The following MGAT5B variants were observed in gnomAD, a reference collection of about 807,000 sequenced individuals.
The protein encoded by MGAT5B is alpha-1,6-mannosylglycoprotein 6-beta-N-acetylglucosaminyltransferase B.
In MGAT5B, 54 loss-of-function variants were observed where a neutral mutation model predicts 95.1. The observed-to-expected ratio is 0.57, with a 90% confidence interval of 0.46 to 0.71. The LOEUF (loss-of-function observed/expected upper bound fraction) is 0.71. MGAT5B is among the 30% of genes least tolerant of loss of function. The pLI is 0.00. For missense variants in MGAT5B, 935 were observed against 1,088.6 expected, an observed-to-expected ratio of 0.86 and a Z score of 1.99; for synonymous variants, 464 against 451.0, an observed-to-expected ratio of 1.03 and a Z score of -0.36.
rs1322443859 is a variant in MGAT5B, at chr17:76,905,898, G to T, written c.856-120G>T. ...GTCACTCTGGTGCCGGAAAGCACCTGCTGGGGCCCAGCCTGGAGACAGGGT... is the reference window on the plus strand; with the variant it reads ...GTCACTCTGGTGCCGGAAAGCACCTTCTGGGGCCCAGCCTGGAGACAGGGT... On this transcript the variant is annotated intron_variant, in intron 7 of 17. Coordinates refer to ENST00000569840, the MANE Select transcript of MGAT5B (RefSeq NM_001199172.2). The surrounding 1 kb of genome is among the most constrained non-coding windows in gnomAD (Gnocchi z 4.2). 7.8e-6 allele frequency: 9 copies of T among 1,151,198 alleles called. No homozygotes were observed. Among genetic ancestry groups the T allele is most frequent in the Non-Finnish European group, 1.1e-5 (9 of 831,246 alleles). 71.3% of individuals were successfully genotyped at this position (1,151,198 alleles called of 1,614,324 possible).
At chr17:76,919,131 C>T (rs1247999794) in intron 8 of MGAT5B, among the ~76,000 whole-genome samples, 3 of 152,228 alleles carry the variant, frequency 2.0e-5, no homozygotes, top group Admixed American at 6.5e-5. Flanking sequence ...GGATATTTTT[C>T]ATTGCCAGAA....
At chr17:76,874,632 G>A (rs1967121186) in intron 2 of MGAT5B, among the ~76,000 whole-genome samples, 1 of 152,134 alleles carries the variant, frequency 6.6e-6, no homozygotes, top group Non-Finnish European at 1.5e-5. Flanking sequence ...AATTAGGGAT[G>A]GGGGAGAGGA....
At position 76,889,501 on chromosome 17, in the gene MGAT5B, C is replaced by G. The variant is rs976124081; in HGVS notation, c.329+7203C>G. Among the ~76,000 whole-genome samples the G allele has an allele frequency of 2.0e-5, 3 of 152,142 alleles. No homozygotes were observed. The highest frequency in any genetic ancestry group is 6.5e-5 in the Admixed American group (1 of 15,280). On this transcript the variant is annotated intron_variant, in intron 3 of 17. Coordinates refer to ENST00000569840, the MANE Select transcript of MGAT5B (RefSeq NM_001199172.2). This position sits in a 1 kb window ranked among gnomAD's most constrained non-coding sequence, Gnocchi z 4.4. ...TCTCGGGCCACCGTGGGTACCTTCA[C>G]TGGGAGAGAGGCGTGTGGTTGGCAG...
At chr17:76,897,182 A>G (rs1185941907) in intron 3 of MGAT5B, among the ~76,000 whole-genome samples, 1 of 152,102 alleles carries the variant, frequency 6.6e-6, no homozygotes, top group Non-Finnish European at 1.5e-5. Flanking sequence ...CTCCCGAAGT[A>G]CTGGGACTAC....
intron 11 of MGAT5B, 101 bp downstream of exon 11, chr17:76,932,876 G>T: frequency 4.0e-6 from 6 of 1,485,314 alleles, no homozygotes; most frequent in Non-Finnish European, 5.4e-6. Flanking sequence ...CCCTCCTCCC[G>T]CCCCAGCCCT....
At chr17:76,872,336 G>A (rs1384014972) in intron 1 of MGAT5B, among the ~76,000 whole-genome samples, 1 of 152,238 alleles carries the variant, frequency 6.6e-6, no homozygotes, top group Non-Finnish European at 1.5e-5. Flanking sequence ...AGTGATTGAT[G>A]GGGTCTGGCT....
chr17:76,887,226 C>T (rs1056038212), intron 3 of MGAT5B, among the ~76,000 whole-genome samples: 1 of 152,094 alleles, frequency 6.6e-6, no homozygotes, highest in African/African-American at 2.4e-5. Flanking sequence ...TCTCCCAGCC[C>T]CCATCTCAGG....
At chr17:76,946,308 C>A (rs576294163) in intron 15 of MGAT5B, 68 bp from the exon 16 acceptor site, 1 of 1,396,326 alleles carries the variant, frequency 7.2e-7, no homozygotes, top group Non-Finnish European at 9.9e-7. Flanking sequence ...CCCCCAATGC[C>A]GAGCATGGCA....
At chr17:76,874,682 C>T (rs1967123100) in intron 2 of MGAT5B, among the ~76,000 whole-genome samples, 1 of 152,048 alleles carries the variant, frequency 6.6e-6, no homozygotes, top group Non-Finnish European at 1.5e-5. Context: ...GCCTATCTCC[C>T]TAAGGGGGTT....
In MGAT5B at chr17:76,940,779, C is replaced by T. The variant is rs746422600; in HGVS notation, c.1779C>T (p.His593=). The part of the protein sequence containing the change: ...PYAENFIGKP[H]VWTVDYNNSE... ...CGGAGAACTTCATCGGCAAGCCCCA[C>T]GTGTGGACAGTCGACTACAACAACT... The change falls in exon 15 of 18, where the codon CAC becomes CAT. Residue 593 remains histidine (H), a synonymous_variant. Transcript: ENST00000569840. The surrounding 1 kb of genome is among the most constrained non-coding windows in gnomAD (Gnocchi z 4.3). The T allele has an allele frequency of 3.3e-5, 54 of 1,614,054 alleles. No homozygotes were observed. Among genetic ancestry groups the T allele is most frequent in the East Asian group, 4.5e-5 (2 of 44,906 alleles).
intron 15 of MGAT5B, among the ~76,000 whole-genome samples, chr17:76,942,966 GT>G (rs1969908265): frequency 6.6e-6 from 1 of 152,124 alleles, no homozygotes; most frequent in African/African-American, 2.4e-5. Flanking sequence ...GGGGAGCAGC[GT>G]TTGGCCCAAC....
intron 3 of MGAT5B, among the ~76,000 whole-genome samples, chr17:76,888,997 G>A (rs75510175): frequency 0.016 from 2,381 of 152,324 alleles, 28 homozygotes; most frequent in Non-Finnish European, 0.024. Context: ...GTCGGCCTTG[G>A]GAAGAGGGGT....
In MGAT5B at chr17:76,917,271, C is replaced by T. The variant is rs538762609; in HGVS notation, c.1026-7695C>T. Reference sequence around the variant, plus strand: ...GAAGTCAGTTTCTTTGCTGTGTCTCCGGCCTCTGCAGGGCCGTCCATAGTC... The same window carrying T: ...GAAGTCAGTTTCTTTGCTGTGTCTCTGGCCTCTGCAGGGCCGTCCATAGTC... On this transcript the variant is annotated intron_variant, in intron 8 of 17. Transcript: ENST00000569840. The surrounding 1 kb of genome is among the most constrained non-coding windows in gnomAD (Gnocchi z 6.1). Among the ~76,000 whole-genome samples the T allele has an allele frequency of 2.6e-5, 4 of 152,020 alleles. No homozygotes were observed. Among genetic ancestry groups the T allele is most frequent in the South Asian group, 4.2e-4 (2 of 4,806 alleles).
At chr17:76,926,522 G>T in intron 9 of MGAT5B, 75 bp from the exon 10 acceptor site, 2 of 1,463,944 alleles carry the variant, frequency 1.4e-6, no homozygotes, top group South Asian at 1.3e-5. Context: ...GACAGTGCTC[G>T]TGGCTGGGGC....
intron 15 of MGAT5B, among the ~76,000 whole-genome samples, chr17:76,945,245 T>G (rs1048078742): frequency 1.2e-4 from 18 of 152,328 alleles, no homozygotes; most frequent in African/African-American, 4.3e-4. Flanking sequence ...AGCTACTGCA[T>G]GCATCTGCCC....
intron 2 of MGAT5B, among the ~76,000 whole-genome samples, chr17:76,878,975 C>A (rs1031043152): frequency 6.6e-6 from 1 of 151,010 alleles, no homozygotes; most frequent in African/African-American, 2.4e-5. Context: ...CGCAGCAGAG[C>A]GGGCCTGGAG....
intron 5 of MGAT5B, 151 bp downstream of exon 5, chr17:76,903,527 C>A: frequency 1.9e-6 from 1 of 519,256 alleles, no homozygotes; most frequent in Non-Finnish European, 3.4e-6. Flanking sequence ...AATCCAAATC[C>A]CCCAGAAAGA....
At chr17:76,891,695 G>C (rs1241155305) in intron 3 of MGAT5B, among the ~76,000 whole-genome samples, 1 of 152,148 alleles carries the variant, frequency 6.6e-6, no homozygotes, top group African/African-American at 2.4e-5. Flanking sequence ...GGTTAGGATC[G>C]CAATATACAA....
rs3889145 is a variant in MGAT5B, at chr17:76,924,990, G to C, written c.1050G>C (p.Arg350=). Residue 350 remains arginine, a synonymous_variant, in exon 9 of 18, where the codon CGG becomes CGC. Coordinates refer to ENST00000569840, the MANE Select transcript of MGAT5B (RefSeq NM_001199172.2). ...GTAACTTAGGGGTACCGCCAGGCCG[G>C]GGAAGCTGCCCGCTCACCATGCCCC... ...LQSNLGVPPG[R]GSCPLTMPLP... The C allele has an allele frequency of 0.23, 369,729 of 1,611,520 alleles. 43,837 individuals are homozygous for C. Among genetic ancestry groups the C allele is most frequent in the South Asian group, 0.32 (29,260 of 91,018 alleles).
Sources: allele counts gnomAD v4.1 joint callset (sites outside exome capture counted in the v4.1 genomes callset), GRCh38; gene constraint gnomAD v4.1.1; non-coding constraint Gnocchi (gnomAD v3.1); transcripts MANE v1.5; gene names NCBI Gene and HGNC (gene_info 2026-07-23, HGNC 2026-07-21).